Variants in SORCS2 observed in about 807,000 individuals in gnomAD.
SORCS2 encodes the protein VPS10 domain-containing receptor SorCS2.
Under a neutral mutation model 141.6 loss-of-function variants are expected in SORCS2, and 100 were observed. The ratio of observed to expected loss-of-function variants is 0.71; its 90% CI spans 0.60 to 0.83. The LOEUF (loss-of-function observed/expected upper bound fraction) is 0.83, where lower values mean the gene tolerates loss of function less well. SORCS2 is among the 40% of genes least tolerant of loss of function. The pLI, the probability that SORCS2 is intolerant of heterozygous loss-of-function variation, is 0.00. For synonymous variants in SORCS2, 789 were observed against 676.9 expected (o/e 1.17, Z -2.57); for missense variants, 1,646 against 1,560.2 (o/e 1.05, Z -0.93).
chr4:7,316,303 CAAAA>C (rs1198240607), intron 1 of SORCS2, among the ~76,000 whole-genome samples: 4 of 152,064 alleles, frequency 2.6e-5, no homozygotes, highest in Non-Finnish European at 4.4e-5. Context: ...TCCAAACAAA[CAAAA>C]AAAATTTTTT....
At chr4:7,687,197 G>A (rs943399705) in intron 10 of SORCS2, among the ~76,000 whole-genome samples, 7 of 152,114 alleles carry the variant, frequency 4.6e-5, no homozygotes, top group East Asian at 1.9e-4. Flanking sequence ...GTCCTCTGCC[G>A]GGCACACTGC....
intron 3 of SORCS2, among the ~76,000 whole-genome samples, chr4:7,555,177 A>G (rs1479352537): frequency 6.6e-6 from 1 of 152,202 alleles, no homozygotes; most frequent in African/African-American, 2.4e-5. Context: ...AAGTGATGGT[A>G]ATTGCATGAG....
At chr4:7,496,578 G>T (rs1007831577) in intron 2 of SORCS2, among the ~76,000 whole-genome samples, 21 of 151,680 alleles carry the variant, frequency 1.4e-4, no homozygotes, top group African/African-American at 4.9e-4. Flanking sequence ...AGGGGAAAAT[G>T]TGTTTTCAAG....
intron 3 of SORCS2, among the ~76,000 whole-genome samples, chr4:7,570,133 G>A (rs1272938778): frequency 1.3e-5 from 2 of 152,238 alleles, no homozygotes; most frequent in African/African-American, 2.4e-5. Flanking sequence ...AGCCGGAGAG[G>A]GGAGCGAGGA....
chr4:7,641,538 G>A (rs1333333324), intron 4 of SORCS2, among the ~76,000 whole-genome samples: 3 of 152,280 alleles, frequency 2.0e-5, no homozygotes, highest in East Asian at 1.9e-4. Flanking sequence ...ACCATGTCAG[G>A]TAACTCTATC....
chr4:7,230,650 AAGGAG>A, intron 1 of SORCS2, among the ~76,000 whole-genome samples: 1 of 125,780 alleles, frequency 8.0e-6, no homozygotes, highest in Non-Finnish European at 1.8e-5. Flanking sequence ...CTCATGTATG[AAGGAG>A]ATGAAGATGG....
intron 3 of SORCS2, among the ~76,000 whole-genome samples, chr4:7,591,798 G>A (rs1008692952): frequency 6.6e-6 from 1 of 152,180 alleles, no homozygotes; most frequent in Non-Finnish European, 1.5e-5. Context: ...CGGGCCTGTC[G>A]TCAGGGGTGC....
chr4:7,241,135 C>T (rs975299889), intron 1 of SORCS2, among the ~76,000 whole-genome samples: 2 of 152,068 alleles, frequency 1.3e-5, no homozygotes, highest in Admixed American at 1.3e-4. Flanking sequence ...GACAGGGTTT[C>T]ACCATGTTGG....
chr4:7,385,417 A>G (rs1723230677), intron 1 of SORCS2, among the ~76,000 whole-genome samples: 1 of 152,168 alleles, frequency 6.6e-6, no homozygotes, highest in Non-Finnish European at 1.5e-5. Context: ...CCCAGCCAGC[A>G]CTGTTGAAGG....
At chr4:7,268,908 G>C (rs1387536763) in intron 1 of SORCS2, among the ~76,000 whole-genome samples, 2 of 152,100 alleles carry the variant, frequency 1.3e-5, no homozygotes, top group Admixed American at 1.3e-4. Context: ...TTTTAGGATT[G>C]AGTGGGAATT....
intron 2 of SORCS2, among the ~76,000 whole-genome samples, chr4:7,437,952 G>A (rs1170506133): frequency 1.3e-5 from 2 of 152,152 alleles, no homozygotes; most frequent in African/African-American, 4.8e-5. Flanking sequence ...TTCGAGCGTA[G>A]GTGGAGACAT....
At chr4:7,448,020 C>T (rs61016496) in intron 2 of SORCS2, among the ~76,000 whole-genome samples, 5,853 of 152,248 alleles carry the variant, frequency 0.038, 237 homozygotes, top group African/African-American at 0.096. Context: ...TGTGTATGAG[C>T]GGCTCGTGCT....
intron 1 of SORCS2, among the ~76,000 whole-genome samples, chr4:7,200,760 CATTTATCA>C (rs575676722): frequency 5.9e-5 from 9 of 152,108 alleles, no homozygotes; most frequent in Non-Finnish European, 1.0e-4. Context: ...CCTTTTTCCT[CATTTATCA>C]AATGAGGATC....
chr4:7,597,427 T>C (rs967254637), intron 3 of SORCS2, among the ~76,000 whole-genome samples: 1 of 116,730 alleles, frequency 8.6e-6, no homozygotes, highest in Non-Finnish European at 1.7e-5. Context: ...AGAGGGCTAT[T>C]GCAGTGGGGA....
intron 1 of SORCS2, among the ~76,000 whole-genome samples, chr4:7,216,579 A>G (rs1398268968): frequency 3.9e-5 from 6 of 151,994 alleles, no homozygotes; most frequent in Non-Finnish European, 7.4e-5. Context: ...GCCTTTTTCA[A>G]CATCCAGAGG....
At chr4:7,694,164 T>C (rs890461173) in intron 11 of SORCS2, among the ~76,000 whole-genome samples, 8 of 152,158 alleles carry the variant, frequency 5.3e-5, no homozygotes, top group African/African-American at 1.7e-4. Flanking sequence ...AGGAAGCATG[T>C]CTTCATTCAG....
intron 2 of SORCS2, among the ~76,000 whole-genome samples, chr4:7,397,694 C>T (rs540431641): frequency 2.0e-5 from 3 of 152,108 alleles, no homozygotes; most frequent in Non-Finnish European, 2.9e-5. Flanking sequence ...GTGTAAGCTC[C>T]GTGGGCCCTG....
At chr4:7,348,953 T>G (rs757153674) in intron 1 of SORCS2, among the ~76,000 whole-genome samples, 1 of 152,202 alleles carries the variant, frequency 6.6e-6, no homozygotes, top group Non-Finnish European at 1.5e-5. Context: ...ATTTGGAGCA[T>G]GATAGCAGCA....
At position 7,637,728 on chromosome 4, in the gene SORCS2, C is replaced by A. The variant is rs72488936; in HGVS notation, c.649-600C>A. On this transcript the variant is annotated intron_variant, in intron 3 of 26. Transcript: ENST00000507866. ...GAATGAATGAGTGAATGAATGAATGCATGCATGCATGAATGGATGGCTACA... is the reference window on the plus strand; with the variant it reads ...GAATGAATGAGTGAATGAATGAATGAATGCATGCATGAATGGATGGCTACA... Among the ~76,000 whole-genome samples the A allele has an allele frequency of 8.6e-4, 130 of 151,228 alleles. 1 individual carries two copies. The East Asian group carries it at 0.026, about 30-fold the overall frequency.
Sources: allele counts gnomAD v4.1 joint callset (sites outside exome capture counted in the v4.1 genomes callset), GRCh38; gene constraint gnomAD v4.1.1; transcripts MANE v1.5; gene names NCBI Gene and HGNC (gene_info 2026-07-23, HGNC 2026-07-21).